Variants in TMEM132E observed in about 807,000 individuals in gnomAD.
TMEM132E encodes transmembrane protein 132E.
A neutral mutation model predicts 78.5 loss-of-function variants in TMEM132E; 49 were observed. The observed-to-expected ratio is 0.62, with a 90% confidence interval of 0.50 to 0.79. The LOEUF (loss-of-function observed/expected upper bound fraction) is 0.79. TMEM132E is among the 30% of genes least tolerant of loss of function. The pLI, the probability that TMEM132E is intolerant of heterozygous loss-of-function variation, is 0.00. For missense variants in TMEM132E, 1,403 were observed against 1,470.9 expected (o/e 0.95, Z 0.75); for synonymous variants, 715 against 670.6 (o/e 1.07, Z -1.02).
chr17:34,631,571 C>T (rs530514345), intron 5 of TMEM132E, among the ~76,000 whole-genome samples: 166 of 152,322 alleles, frequency 1.1e-3, no homozygotes, highest in African/African-American at 3.5e-3. Flanking sequence ...TACAGGTCTG[C>T]GTTGGAATTC....
In TMEM132E at chr17:34,638,157, T is replaced by A; in HGVS notation, c.3150T>A (p.Asp1050Glu). The change falls in exon 9 of 9, where the codon GAT becomes GAA. Residue 1050 changes from aspartate (D) to glutamate (E), a missense_variant. By Grantham distance (45) the Asp-to-Glu change is conservative (BLOSUM62 2). This residue lies in a region of TMEM132E where 888 missense variants were observed against 952.8 expected (regional missense o/e 0.93). Transcript: ENST00000631683. ...AGGACCTGGGTTGGGGCTGCCCGGA[T>A]GTGGCGGGCCCCACGCGGCCCACTG... is the stretch of plus-strand genomic sequence containing the variant. ...EEEDLGWGCP[D>E]VAGPTRPTAP... 6.2e-7 allele frequency: 1 copy of A among 1,607,978 alleles called. No individual in the cohort carries two copies. The highest frequency in any genetic ancestry group is 8.5e-7 in the Non-Finnish European group (1 of 1,178,152).
rs368325260 is a variant in TMEM132E at position 34,581,706 on chromosome 17, G to A, written c.67+563G>A. Reference sequence around the variant, plus strand: ...CCTGTGAGCTGCATCTAAATGGCCGGCTTAGGCGAGCCCGGAGGGCGGGGG... The same window carrying A: ...CCTGTGAGCTGCATCTAAATGGCCGACTTAGGCGAGCCCGGAGGGCGGGGG... On this transcript the variant is annotated intron_variant, in intron 1 of 8. Coordinates refer to ENST00000631683, the MANE Select transcript of TMEM132E (RefSeq NM_001304438.2). 2.2e-4 allele frequency among the ~76,000 whole-genome samples: 34 copies of A among 152,106 alleles called. No individual in the cohort carries two copies. The East Asian group carries it at 6.1e-3, about 27-fold the overall frequency.
chr17:34,637,961 G>A lies in TMEM132E; in HGVS notation c.2954G>A (p.Gly985Asp). The A allele has an allele frequency of 6.2e-7, 1 of 1,602,890 alleles. No homozygotes were observed. Among genetic ancestry groups the A allele is most frequent in the South Asian group, 1.1e-5 (1 of 90,128 alleles). ...ACCAGCGTCCAGAGCCAGGTGCACG[G>A]CAGGGGCGACGGCTCCTCGGGCGGC... ...SQTSVQSQVHGRGDGSSGGSA... is the reference protein window; with the variant it reads ...SQTSVQSQVHDRGDGSSGGSA... The change falls in exon 9 of 9, where the codon GGC (glycine) becomes GAC (aspartate). Residue 985 changes from glycine (G) to aspartate (D), a missense_variant. Coordinates refer to ENST00000631683, the MANE Select transcript of TMEM132E (RefSeq NM_001304438.2).
intron 1 of TMEM132E, among the ~76,000 whole-genome samples, chr17:34,591,647 C>T (rs1490861837): frequency 1.3e-5 from 2 of 152,236 alleles, no homozygotes; most frequent in Non-Finnish European, 2.9e-5. Flanking sequence ...AGCCTACCTC[C>T]TCATTCCTCA....
intron 1 of TMEM132E, among the ~76,000 whole-genome samples, chr17:34,591,132 G>T (rs911933853): frequency 1.6e-4 from 25 of 152,240 alleles, no homozygotes; most frequent in African/African-American, 5.8e-4. Context: ...CTCAGTACGT[G>T]GAAGTGTCTT....
chr17:34,634,931 G>A lies in TMEM132E; in HGVS notation c.1821G>A (p.Glu607=). 6.2e-7 allele frequency: 1 copy of A among 1,614,184 alleles called. No individual in the cohort carries two copies. The highest frequency in any genetic ancestry group is 8.5e-7 in the Non-Finnish European group (1 of 1,180,040). The change falls in exon 7 of 9, where the codon GAG becomes GAA. Residue 607 remains glutamate (E), a synonymous_variant. Coordinates refer to ENST00000631683, the MANE Select transcript of TMEM132E (RefSeq NM_001304438.2). ...CCCAGTTCCACACGACATCATCCGA[G>A]GGCACTGACCAGGTGGTCACCATGT... ...VFTQFHTTSS[E]GTDQVVTMLG...
rs1343335418 is a variant in TMEM132E at position 34,637,898 on chromosome 17, T to C, written c.2891T>C (p.Phe964Ser). 36 of 1,606,458 alleles carry C rather than the reference T, an allele frequency of 2.2e-5. No individual in the cohort carries two copies. Among genetic ancestry groups the C allele is most frequent in the Non-Finnish European group, 3.0e-5 (35 of 1,178,896 alleles). Residue 964 changes from phenylalanine (F) to serine (S), a missense_variant, in exon 9 of 9, where the codon TTC (phenylalanine) becomes TCC (serine). Phe to Ser is a radical substitution (Grantham distance 155, BLOSUM62 -2). Coordinates refer to ENST00000631683, the MANE Select transcript of TMEM132E (RefSeq NM_001304438.2). The part of the protein sequence containing the change: ...AGNPLETVPA[F>S]CHGDHHSSGS... ...AACCCGCTGGAAACCGTGCCCGCCT[T>C]CTGCCACGGCGACCACCACAGCAGC...
intron 2 of TMEM132E, 118 bp downstream of exon 2, chr17:34,627,175 C>T: frequency 8.8e-7 from 1 of 1,140,058 alleles, no homozygotes; most frequent in Non-Finnish European, 1.3e-6. Flanking sequence ...GTCCAGCATC[C>T]TAATCCCGGA....
intron 8 of TMEM132E, 52 bp downstream of exon 8, chr17:34,636,250 A>G (rs1389118148): frequency 7.2e-7 from 1 of 1,392,176 alleles, no homozygotes; most frequent in East Asian, 2.8e-5. Flanking sequence ...TGGAAGGAGA[A>G]CTTGGGGGCT....
At chr17:34,623,662 A>G (rs1432949864) in intron 1 of TMEM132E, among the ~76,000 whole-genome samples, 1 of 152,188 alleles carries the variant, frequency 6.6e-6, no homozygotes, top group Non-Finnish European at 1.5e-5. Flanking sequence ...CACCACCACA[A>G]CTTTAGAGGT....
intron 1 of TMEM132E, among the ~76,000 whole-genome samples, chr17:34,611,191 G>A (rs1212599164): frequency 6.6e-6 from 1 of 152,258 alleles, no homozygotes; most frequent in Non-Finnish European, 1.5e-5. Context: ...GAGGCAGAAA[G>A]AGTATGACTG....
intron 4 of TMEM132E, 33 bp from the exon 5 acceptor site, chr17:34,629,975 A>C: frequency 6.3e-7 from 1 of 1,578,244 alleles, no homozygotes; most frequent in South Asian, 1.1e-5. Flanking sequence ...GAAGGGGACC[A>C]CAAGTAGAGC....
chr17:34,599,285 C>A (rs997854960), intron 1 of TMEM132E, among the ~76,000 whole-genome samples: 8 of 152,204 alleles, frequency 5.3e-5, no homozygotes, highest in African/African-American at 1.9e-4. Flanking sequence ...TAGAAACCTG[C>A]ATAAGGAACA....
chr17:34,587,147 T>C (rs1905707028), intron 1 of TMEM132E, among the ~76,000 whole-genome samples: 1 of 152,060 alleles, frequency 6.6e-6, no homozygotes, highest in South Asian at 2.1e-4. Context: ...CCTAAAATGG[T>C]CCAGGTTCTC....
Position 34,637,772 on chromosome 17 carries a change from C to A in TMEM132E, c.2765C>A (p.Pro922Gln). ...CTGCGCTACCGGCACAAGCGCATCC[C>A]GCCCGAGGGCCAGACCAGCATGGAC... is the stretch of plus-strand genomic sequence containing the variant. ...FVLRYRHKRI[P>Q]PEGQTSMDHS... Residue 922 changes from proline (P) to glutamine (Q), a missense_variant, in exon 9 of 9, where the codon CCG becomes CAG. Pro to Gln is a moderately conservative substitution (Grantham distance 76). Around this residue, in one of 3 missense-constraint regions of TMEM132E, gnomAD observed 888 missense variants for 952.8 expected, o/e 0.93. Transcript: ENST00000631683. The A allele has an allele frequency of 6.2e-7, 1 of 1,613,532 alleles. No homozygotes were observed. The highest frequency in any genetic ancestry group is 8.5e-7 in the Non-Finnish European group (1 of 1,179,986).
chr17:34,581,470 G>A (rs920158709), intron 1 of TMEM132E, among the ~76,000 whole-genome samples: 1 of 151,266 alleles, frequency 6.6e-6, no homozygotes, highest in Non-Finnish European at 1.5e-5. Flanking sequence ...CCTCCGGATC[G>A]CGTCCAGGCC....
intron 1 of TMEM132E, among the ~76,000 whole-genome samples, chr17:34,592,501 G>T (rs557590028): frequency 6.6e-6 from 1 of 152,354 alleles, no homozygotes; most frequent in East Asian, 1.9e-4. Context: ...CTAATCTGCA[G>T]CCTGAAGGTG....
At chr17:34,582,409 A>G (rs1382692250) in intron 1 of TMEM132E, among the ~76,000 whole-genome samples, 1 of 151,748 alleles carries the variant, frequency 6.6e-6, no homozygotes, top group Non-Finnish European at 1.5e-5. Flanking sequence ...GAATAAGAAA[A>G]AGAGGGGCTC....
chr17:34,611,909 G>T (rs1385571469), intron 1 of TMEM132E, among the ~76,000 whole-genome samples: 1 of 152,094 alleles, frequency 6.6e-6, no homozygotes, highest in African/African-American at 2.4e-5. Context: ...CCACCCTATG[G>T]GGCAGAGAAG....
Sources: gnomAD v4.1 joint callset for allele counts (sites outside exome capture counted in the v4.1 genomes callset) on GRCh38, gnomAD v4.1.1 for gene constraint, gnomAD v4.1.1 regional missense constraint, MANE v1.5 for transcripts, NCBI Gene and HGNC (gene_info 2026-07-23, HGNC 2026-07-21) for gene names.